Variants in LHFPL3 observed in about 807,000 individuals in gnomAD.
LHFPL3 encodes LHFPL tetraspan subfamily member 3, also known as LHFPL tetraspan subfamily member 3 protein.
In LHFPL3, 5 loss-of-function variants were observed where a neutral mutation model predicts 19.3. The observed-to-expected ratio is 0.26, with a 90% CI of 0.14 to 0.54. The LOEUF (loss-of-function observed/expected upper bound fraction) is 0.54. LHFPL3 is among the 20% of genes least tolerant of loss of function. The probability of loss-of-function intolerance (pLI) is 0.94; values close to 1 mark genes in which losing one functional copy is unlikely to be tolerated. For synonymous variants in LHFPL3, 133 were observed against 126.2 expected, an observed-to-expected ratio of 1.05 and a Z score of -0.36; for missense variants, 249 against 307.4, an observed-to-expected ratio of 0.81 and a Z score of 1.42.
At chr7:104,657,379 G>A (rs1233449296) in intron 1 of LHFPL3, among the ~76,000 whole-genome samples, 1 of 152,214 alleles carries the variant, frequency 6.6e-6, no homozygotes, top group African/African-American at 2.4e-5. Flanking sequence ...CATTGGAAAG[G>A]CCAAGTCCAA....
chr7:104,770,278 G>A lies in LHFPL3; in HGVS notation c.682+33367G>A, dbSNP rs559276091. Among the ~76,000 whole-genome samples, 3 of 152,178 alleles carry A rather than the reference G, an allele frequency of 2.0e-5. No homozygotes were observed. In the South Asian group the frequency reaches 6.2e-4, roughly 32 times the overall value. On this transcript the variant is annotated intron_variant, in intron 2 of 2. Transcript: ENST00000424859. ...AACAGAAGACAAGTGTAGCATATGA[G>A]CAACTAAAAATTCTGAGGCTCTAAG...
At chr7:104,331,054 G>A (rs1341846411) in intron 1 of LHFPL3, among the ~76,000 whole-genome samples, 1 of 152,034 alleles carries the variant, frequency 6.6e-6, no homozygotes, top group African/African-American at 2.4e-5. Flanking sequence ...ATTTTTATGA[G>A]GTTTCCTACT....
intron 1 of LHFPL3, among the ~76,000 whole-genome samples, chr7:104,631,146 C>A (rs1353098206): frequency 6.6e-6 from 1 of 152,124 alleles, no homozygotes; most frequent in Non-Finnish European, 1.5e-5. Context: ...TAGCTAACAA[C>A]AACAACAACA....
chr7:104,671,454 C>T (rs1039565073), intron 1 of LHFPL3, among the ~76,000 whole-genome samples: 4 of 150,892 alleles, frequency 2.7e-5, no homozygotes, highest in African/African-American at 9.7e-5. Flanking sequence ...AAAATATCTT[C>T]TATGAAAATG....
At chr7:104,660,526 A>G (rs1469385461) in intron 1 of LHFPL3, among the ~76,000 whole-genome samples, 1 of 152,254 alleles carries the variant, frequency 6.6e-6, no homozygotes, top group Non-Finnish European at 1.5e-5. Context: ...AAGTGGATGC[A>G]GGAGTTACCT....
rs144242665 is a variant in LHFPL3 at position 104,381,640 on chromosome 7, G to T, written c.445+52416G>T. ...GCACTAGTTCTGGATATAAAGTTGTGAGTAAAACAGAGGTGGTTCCTGCTT... is the reference window on the plus strand; with the variant it reads ...GCACTAGTTCTGGATATAAAGTTGTTAGTAAAACAGAGGTGGTTCCTGCTT... On this transcript the variant is annotated intron_variant, in intron 1 of 2. Transcript: ENST00000424859. Among the ~76,000 whole-genome samples, 589 of 152,084 alleles carry T rather than the reference G, an allele frequency of 3.9e-3. 4 individuals are homozygous for T. The highest frequency in any genetic ancestry group is 0.02 in the Middle Eastern group (6 of 294).
intron 1 of LHFPL3, among the ~76,000 whole-genome samples, chr7:104,483,795 C>G (rs1793184264): frequency 6.6e-6 from 1 of 151,844 alleles, no homozygotes; most frequent in South Asian, 2.1e-4. Flanking sequence ...TTTTTAAATT[C>G]TTAAATTTTG....
chr7:104,410,549 G>T (rs1383574586), intron 1 of LHFPL3, among the ~76,000 whole-genome samples: 2 of 152,202 alleles, frequency 1.3e-5, no homozygotes, highest in Non-Finnish European at 2.9e-5. Flanking sequence ...TAACATAAAT[G>T]TAGGTGTCTG....
intron 1 of LHFPL3, among the ~76,000 whole-genome samples, chr7:104,434,759 T>C (rs540180304): frequency 3.5e-4 from 53 of 152,284 alleles, no homozygotes; most frequent in Non-Finnish European, 6.3e-4. Context: ...ATTTTCAAGG[T>C]AACTCCACTA....
intron 1 of LHFPL3, among the ~76,000 whole-genome samples, chr7:104,368,968 A>G (rs77231316): frequency 0.029 from 4,400 of 152,214 alleles, 88 homozygotes; most frequent in Non-Finnish European, 0.045. Flanking sequence ...TCTTCTATAA[A>G]CTTATTTTAT....
intron 1 of LHFPL3, among the ~76,000 whole-genome samples, chr7:104,657,607 C>T (rs577699797): frequency 3.9e-5 from 6 of 152,314 alleles, no homozygotes; most frequent in African/African-American, 1.4e-4. Flanking sequence ...TAGCTAATTA[C>T]TTTGCCAGAT....
At chr7:104,612,974 A>T (rs1257713032) in intron 1 of LHFPL3, among the ~76,000 whole-genome samples, 2 of 152,226 alleles carry the variant, frequency 1.3e-5, no homozygotes, top group African/African-American at 2.4e-5. Context: ...AATTGAAGTA[A>T]TTCATTTGGA....
intron 1 of LHFPL3, among the ~76,000 whole-genome samples, chr7:104,423,456 T>TA (rs994364249): frequency 3.9e-5 from 6 of 151,920 alleles, no homozygotes; most frequent in East Asian, 1.9e-4. Flanking sequence ...CTAGAAAAAT[T>TA]AAAAAAAATT....
chr7:104,601,125 C>G (rs1315504713), intron 1 of LHFPL3, among the ~76,000 whole-genome samples: 2 of 152,166 alleles, frequency 1.3e-5, no homozygotes, highest in African/African-American at 4.8e-5. Context: ...ATAGCATATA[C>G]TCATCAGTAA....
intron 1 of LHFPL3, among the ~76,000 whole-genome samples, chr7:104,468,692 T>TC (rs1168899840): frequency 2.0e-5 from 3 of 148,136 alleles, no homozygotes; most frequent in African/African-American, 7.5e-5. Flanking sequence ...GGAGTCTTGC[T>TC]CCGTCATCCA....
chr7:104,747,526 C>T (rs1406635724), intron 2 of LHFPL3, among the ~76,000 whole-genome samples: 1 of 152,210 alleles, frequency 6.6e-6, no homozygotes, highest in Non-Finnish European at 1.5e-5. Flanking sequence ...TTGTCCAGAA[C>T]ATATCTTTAC....
chr7:104,827,882 C>A (rs1790856479), intron 2 of LHFPL3, among the ~76,000 whole-genome samples: 1 of 151,902 alleles, frequency 6.6e-6, no homozygotes, highest in Non-Finnish European at 1.5e-5. Flanking sequence ...CTCTGGGGAC[C>A]TCACAAAGGA....
At chr7:104,732,106 T>G (rs1210983646) in intron 1 of LHFPL3, among the ~76,000 whole-genome samples, 10 of 152,236 alleles carry the variant, frequency 6.6e-5, no homozygotes, top group Admixed American at 6.5e-4. Context: ...CTTTTTGATG[T>G]GCTGCTGGAT....
intron 2 of LHFPL3, among the ~76,000 whole-genome samples, chr7:104,822,036 C>T (rs1790685194): frequency 6.6e-6 from 1 of 152,128 alleles, no homozygotes; most frequent in Admixed American, 6.5e-5. Context: ...ACAATATTAC[C>T]AGGAAGCGGA....
Sources: gnomAD v4.1 joint callset for allele counts (sites outside exome capture counted in the v4.1 genomes callset) on GRCh38, gnomAD v4.1.1 for gene constraint, MANE v1.5 for transcripts, NCBI Gene and HGNC (gene_info 2026-07-23, HGNC 2026-07-21) for gene names.